Variants in ANTXR2 observed in about 807,000 individuals in gnomAD.
The protein encoded by ANTXR2 is ANTXR cell adhesion molecule 2, also known as anthrax toxin receptor 2.
In ANTXR2, 44 loss-of-function variants were observed where a neutral mutation model predicts 73.7. The ratio of observed to expected loss-of-function variants is 0.60; its 90% CI spans 0.47 to 0.77. ANTXR2 has a LOEUF of 0.77. ANTXR2 is among the 30% of genes least tolerant of loss of function. The pLI, the probability that ANTXR2 is intolerant of heterozygous loss-of-function variation, is 0.00. For synonymous variants in ANTXR2, 217 were observed against 205.9 expected (o/e 1.05, Z -0.46); for missense variants, 604 against 592.5 (o/e 1.02, Z -0.20).
In ANTXR2 at chr4:80,055,466, G is replaced by T; in HGVS notation, c.380C>A (p.Ala127Glu). 1 of 1,604,054 alleles carries T rather than the reference G, an allele frequency of 6.2e-7. No homozygotes were observed. Among genetic ancestry groups the T allele is most frequent in the Non-Finnish European group, 8.5e-7 (1 of 1,173,144 alleles). Reference sequence around the variant, plus strand: ...TCCTGCTTTCTGAATTTGTTCATTCGCCTGAAAATGAAGAATAATTATCCA... The same window carrying T: ...TCCTGCTTTCTGAATTTGTTCATTCTCCTGAAAATGAAGAATAATTATCCA... ...ETYIHEGLKL[A>E]NEQIQKAGGL... Residue 127 changes from alanine (A) to glutamate (E), a missense_variant and splice_region_variant, in exon 5 of 17, where the codon GCG (alanine) becomes GAG (glutamate). Physicochemically the swap from Ala to Glu is moderately radical, Grantham distance 107. Transcript: ENST00000403729.
chr4:79,980,941 A>G (rs1036347976), intron 14 of ANTXR2, among the ~76,000 whole-genome samples: 12 of 126,934 alleles, frequency 9.5e-5, no homozygotes, highest in African/African-American at 1.3e-4. Flanking sequence ...AAAAAAAAAA[A>G]AGAGAAGTAC....
intron 2 of ANTXR2, among the ~76,000 whole-genome samples, chr4:80,070,365 TTAAGA>T (rs1734732828): frequency 6.6e-6 from 1 of 152,234 alleles, no homozygotes; most frequent in East Asian, 1.9e-4. Flanking sequence ...GATCAATGAG[TTAAGA>T]TAAGAGCTTG....
intron 16 of ANTXR2, among the ~76,000 whole-genome samples, chr4:79,949,221 T>G (rs1728618020): frequency 6.6e-6 from 1 of 152,108 alleles, no homozygotes; most frequent in Admixed American, 6.6e-5. Flanking sequence ...AGAAATAACA[T>G]GGGTTTGGCA....
At chr4:80,069,738 G>A (rs1047057363) in intron 2 of ANTXR2, among the ~76,000 whole-genome samples, 1 of 152,126 alleles carries the variant, frequency 6.6e-6, no homozygotes, top group Non-Finnish European at 1.5e-5. Flanking sequence ...TGACCCATAA[G>A]GACTTGCATT....
intron 1 of ANTXR2, among the ~76,000 whole-genome samples, chr4:80,071,911 T>A (rs533220734): frequency 1.4e-4 from 22 of 151,850 alleles, no homozygotes; most frequent in African/African-American, 4.1e-4. Context: ...CCTGCCTAAT[T>A]GTTTAGAGTG....
Position 80,072,798 on chromosome 4 carries a change from C to G in ANTXR2, c.-238G>C, listed in dbSNP as rs1734880564. 9.1e-7 allele frequency: 1 copy of G among 1,104,060 alleles called. No individual in the cohort carries two copies. The highest frequency in any genetic ancestry group is 1.6e-5 in the African/African-American group (1 of 61,026). The allele number at this position is 1,104,060 out of a possible 1,614,324, so 68.4% of individuals were successfully genotyped here. A position where few individuals can be genotyped will look rare whatever the true frequency, so the allele number is the denominator to read the frequency against. On this transcript the variant is annotated 5_prime_UTR_variant, in exon 1 of 17. Transcript: ENST00000403729. ...GCTGCCGCCGGAACTCTTGACGAAT[C>G]CCAGTGGAAGCGCGATCCAGTCCTC...
chr4:79,929,350 T>C (rs1451608871), intron 16 of ANTXR2, among the ~76,000 whole-genome samples: 2 of 152,018 alleles, frequency 1.3e-5, no homozygotes. Context: ...CCATCTCTAC[T>C]AAAAATATAA....
chr4:80,040,826 G>A (rs1048475754), intron 7 of ANTXR2, among the ~76,000 whole-genome samples: 5 of 151,498 alleles, frequency 3.3e-5, no homozygotes, highest in East Asian at 1.9e-4. Context: ...GTATACTATC[G>A]AAGCATCTGT....
chr4:80,064,689 G>A (rs1734417502), intron 3 of ANTXR2, among the ~76,000 whole-genome samples: 1 of 152,170 alleles, frequency 6.6e-6, no homozygotes, highest in African/African-American at 2.4e-5. Flanking sequence ...AAACCTAAAT[G>A]AGGAGAACGA....
intron 10 of ANTXR2, among the ~76,000 whole-genome samples, chr4:80,021,867 G>A (rs1732185543): frequency 6.6e-6 from 1 of 152,098 alleles, no homozygotes; most frequent in South Asian, 2.1e-4. Context: ...CTCCTTTTGA[G>A]AGTAGTAGTA....
chr4:79,972,934 A>AAAAAGAAAAAAAG (rs1729482090), intron 16 of ANTXR2, among the ~76,000 whole-genome samples: 1 of 19,714 alleles, frequency 5.1e-5, no homozygotes, highest in African/African-American at 7.3e-5. Flanking sequence ...AAAAAAAAAA[A>AAAAAGAAAAAAAG]AAAAAGAATA....
intron 8 of ANTXR2, 68 bp downstream of exon 8, chr4:80,035,904 T>C (rs1164017807): frequency 1.5e-6 from 2 of 1,304,672 alleles, no homozygotes; most frequent in African/African-American, 1.5e-5. Context: ...ATGAGTTTCA[T>C]ATCATATATT....
At chr4:80,042,720 G>A (rs1560419383) in intron 7 of ANTXR2, among the ~76,000 whole-genome samples, 1 of 152,008 alleles carries the variant, frequency 6.6e-6, no homozygotes, top group Non-Finnish European at 1.5e-5. Flanking sequence ...ACTGTGCATG[G>A]AAATTCAGGC....
At chr4:80,052,746 A>T (rs907970629) in intron 7 of ANTXR2, among the ~76,000 whole-genome samples, 1 of 151,688 alleles carries the variant, frequency 6.6e-6, no homozygotes, top group South Asian at 2.1e-4. Flanking sequence ...GTTAAAGTTC[A>T]TCAAGAACTT....
In ANTXR2 at chr4:79,978,020, T is replaced by C. The variant is rs760060821; in HGVS notation, c.1334A>G (p.Tyr445Cys). The C allele has an allele frequency of 6.3e-7, 1 of 1,599,492 alleles. No homozygotes were observed. The highest frequency in any genetic ancestry group is 8.5e-7 in the Non-Finnish European group (1 of 1,175,246). The change falls in exon 15 of 17, where the codon TAC becomes TGC. Residue 445 changes from tyrosine (Y) to cysteine (C), a missense_variant. Transcript: ENST00000403729. ...CTGGACACATACCTTAATTGGGGTG[T>C]ACCATTTTGTCTGAGGAGGCTGGTG... ...PTHQPPQTKW[Y>C]TPIKGRLDAL... is the part of the protein sequence containing the mutation.
At chr4:80,059,321 C>CAT (rs111729532) in intron 3 of ANTXR2, among the ~76,000 whole-genome samples, 57,924 of 149,342 alleles carry the variant, frequency 0.39, 12,397 homozygotes, top group Non-Finnish European at 0.49. Flanking sequence ...ACACAAACAC[C>CAT]ATATATATAT....
chr4:79,996,807 T>C (rs1730751561), intron 12 of ANTXR2, among the ~76,000 whole-genome samples: 1 of 152,034 alleles, frequency 6.6e-6, no homozygotes, highest in Non-Finnish European at 1.5e-5. Context: ...TGTATTCATA[T>C]GCACCATATT....
chr4:79,984,763 G>T, intron 13 of ANTXR2, 56 bp downstream of exon 13: 12 of 1,435,902 alleles, frequency 8.4e-6, no homozygotes, highest in Middle Eastern at 1.7e-4. Context: ...TTTGGGCATG[G>T]TATCTGCATT....
In ANTXR2 at chr4:79,966,943, A is replaced by C. The variant is rs959011017; in HGVS notation, c.1428+10678T>G. On this transcript the variant is annotated intron_variant, in intron 16 of 16. Transcript: ENST00000403729. Reference sequence around the variant, plus strand: ...CAAGATGGCCGAATAGGAACAGCTCAGGTCTACAGCTCCCAGCGTGAGCGA... The same window carrying C: ...CAAGATGGCCGAATAGGAACAGCTCCGGTCTACAGCTCCCAGCGTGAGCGA... 6.1e-4 allele frequency among the ~76,000 whole-genome samples: 50 copies of C among 81,748 alleles called. 9 individuals are homozygous for C. Among genetic ancestry groups the C allele is most frequent in the African/African-American group, 1.3e-3 (45 of 34,828 alleles). The allele number at this position is 81,748 out of a possible 152,430, so 53.6% of individuals were successfully genotyped here.
Sources: allele counts gnomAD v4.1 joint callset (sites outside exome capture counted in the v4.1 genomes callset), GRCh38; gene constraint gnomAD v4.1.1; transcripts MANE v1.5; gene names NCBI Gene and HGNC (gene_info 2026-07-23, HGNC 2026-07-21).